The following PDE4B variants were observed in gnomAD, a reference collection of about 807,000 sequenced individuals.
PDE4B encodes the protein 3',5'-cyclic-AMP phosphodiesterase 4B.
Under a neutral mutation model 82.2 loss-of-function variants are expected in PDE4B, and 20 were observed. The ratio of observed to expected loss-of-function variants is 0.24; its 90% CI spans 0.17 to 0.35. The LOEUF (loss-of-function observed/expected upper bound fraction) is 0.35, where lower values mean the gene tolerates loss of function less well. PDE4B is among the 10% of genes least tolerant of loss of function. PDE4B has a pLI of 1.00. For synonymous variants in PDE4B, 320 were observed against 318.9 expected, an observed-to-expected ratio of 1.00 and a Z score of -0.04; for missense variants, 655 against 907.2, an observed-to-expected ratio of 0.72 and a Z score of 3.57.
At chr1:66,069,879 T>G (rs1304529318) in intron 3 of PDE4B, among the ~76,000 whole-genome samples, 1 of 152,042 alleles carries the variant, frequency 6.6e-6, no homozygotes, top group Non-Finnish European at 1.5e-5. Flanking sequence ...CTTATATTTA[T>G]GATTACAAAA....
chr1:66,038,289 C>T (rs1449037619), intron 3 of PDE4B, among the ~76,000 whole-genome samples: 1 of 152,078 alleles, frequency 6.6e-6, no homozygotes, highest in Non-Finnish European at 1.5e-5. Flanking sequence ...ACTGTATAAG[C>T]ATTCATTGAG....
Position 66,019,848 on chromosome 1 carries a change from A to G in PDE4B, c.281+101013A>G, listed in dbSNP as rs552617543. 7.2e-5 allele frequency among the ~76,000 whole-genome samples: 11 copies of G among 152,302 alleles called. 1 individual carries two copies. The South Asian group carries it at 2.1e-3, about 29-fold the overall frequency. On this transcript the variant is annotated intron_variant, in intron 3 of 16. Transcript: ENST00000341517. ...AATCTGTTCAGATCCAGTTTGAGGA[A>G]CTAGTTGAGTAGACAATACTCTCAG...
intron 1 of PDE4B, among the ~76,000 whole-genome samples, chr1:65,819,681 A>C (rs1235461312): frequency 6.6e-6 from 1 of 151,618 alleles, no homozygotes; most frequent in Non-Finnish European, 1.5e-5. Context: ...TTGTATTTTT[A>C]GCAGAGACGG....
At chr1:65,885,606 C>G (rs534674073) in intron 1 of PDE4B, among the ~76,000 whole-genome samples, 2 of 151,876 alleles carry the variant, frequency 1.3e-5, no homozygotes, top group South Asian at 4.2e-4. Flanking sequence ...CAAACTATCA[C>G]AAGAACAAAA....
chr1:66,078,792 A>G (rs972559213), intron 3 of PDE4B, among the ~76,000 whole-genome samples: 6 of 152,166 alleles, frequency 3.9e-5, no homozygotes, highest in Admixed American at 2.0e-4. Flanking sequence ...ACAAAACCTC[A>G]TATGAAAAGC....
chr1:66,001,312 CTCTT>C (rs1651850032), intron 3 of PDE4B, among the ~76,000 whole-genome samples: 1 of 152,120 alleles, frequency 6.6e-6, no homozygotes, highest in Non-Finnish European at 1.5e-5. Context: ...ACCTCTTTGT[CTCTT>C]TCTGTGTATA....
intron 3 of PDE4B, among the ~76,000 whole-genome samples, chr1:66,086,071 G>A (rs77444593): frequency 0.017 from 2,608 of 152,094 alleles, 83 homozygotes; most frequent in African/African-American, 0.06. Context: ...TTCTGTTCTC[G>A]CTATAGGGAT....
chr1:65,963,637 A>C (rs1569833137), intron 3 of PDE4B, among the ~76,000 whole-genome samples: 1 of 152,336 alleles, frequency 6.6e-6, no homozygotes, highest in African/African-American at 2.4e-5. Context: ...CAGAAAATGA[A>C]GTTTATTAAC....
chr1:66,114,178 C>A (rs867783578), intron 3 of PDE4B, among the ~76,000 whole-genome samples: 1 of 152,130 alleles, frequency 6.6e-6, no homozygotes, highest in African/African-American at 2.4e-5. Context: ...TGTCTATGAA[C>A]CAGAAAGCAG....
intron 3 of PDE4B, among the ~76,000 whole-genome samples, chr1:66,147,901 C>A (rs969429947): frequency 2.0e-5 from 3 of 152,084 alleles, no homozygotes; most frequent in Non-Finnish European, 4.4e-5. Flanking sequence ...CCAAGTCTTG[C>A]AAAAAGACAA....
At chr1:66,122,065 G>A (rs963060071) in intron 3 of PDE4B, among the ~76,000 whole-genome samples, 7 of 151,414 alleles carry the variant, frequency 4.6e-5, no homozygotes, top group African/African-American at 1.5e-4. Flanking sequence ...TTATAATAAA[G>A]CAGTTAAGAG....
At chr1:66,353,030 A>G (rs1292412136) in intron 8 of PDE4B, among the ~76,000 whole-genome samples, 1 of 152,236 alleles carries the variant, frequency 6.6e-6, no homozygotes, top group Admixed American at 6.5e-5. Context: ...CGGTCAGAGC[A>G]TATAAACTTG....
At chr1:66,142,133 T>C (rs1254176553) in intron 3 of PDE4B, among the ~76,000 whole-genome samples, 1 of 152,100 alleles carries the variant, frequency 6.6e-6, no homozygotes, top group Non-Finnish European at 1.5e-5. Context: ...AAAAGGGTCA[T>C]CATAAAGGTC....
intron 1 of PDE4B, among the ~76,000 whole-genome samples, chr1:65,899,741 C>T (rs535068313): frequency 2.7e-5 from 4 of 150,820 alleles, no homozygotes; most frequent in South Asian, 4.2e-4. Context: ...GTGACCTGGA[C>T]GACATTGGAG....
intron 3 of PDE4B, chr1:65,992,615 C>A: frequency 2.2e-6 from 1 of 451,104 alleles, no homozygotes; most frequent in African/African-American, 2.0e-5. Context: ...CAGTGAGTGT[C>A]AGTGTGTAGC....
chr1:66,089,877 A>T, intron 3 of PDE4B, among the ~76,000 whole-genome samples: 1 of 152,128 alleles, frequency 6.6e-6, no homozygotes, highest in East Asian at 1.9e-4. Context: ...TCATGATCTG[A>T]TTGCCTGCTT....
intron 3 of PDE4B, among the ~76,000 whole-genome samples, chr1:66,080,719 T>C (rs1656678079): frequency 1.3e-5 from 2 of 152,118 alleles, no homozygotes; most frequent in Admixed American, 1.3e-4. Context: ...GAGATTTTTA[T>C]TTTGAAATAT....
intron 3 of PDE4B, among the ~76,000 whole-genome samples, chr1:65,965,518 ATTT>A (rs10588465): frequency 3.3e-4 from 50 of 150,210 alleles, no homozygotes; most frequent in East Asian, 5.9e-4. Flanking sequence ...GAATCTTGTG[ATTT>A]TTTTTTTTTT....
intron 3 of PDE4B, among the ~76,000 whole-genome samples, chr1:65,922,628 C>T (rs1230847497): frequency 6.6e-6 from 1 of 152,158 alleles, no homozygotes; most frequent in East Asian, 1.9e-4. Flanking sequence ...CCTACCCCTA[C>T]AAAACTTGTA....
Sources: gnomAD v4.1 joint callset for allele counts (sites outside exome capture counted in the v4.1 genomes callset) on GRCh38, gnomAD v4.1.1 for gene constraint, MANE v1.5 for transcripts, NCBI Gene and HGNC (gene_info 2026-07-23, HGNC 2026-07-21) for gene names.